The following BARD1 variants were observed in gnomAD, a reference collection of about 807,000 sequenced individuals.
The protein encoded by BARD1 is BRCA1 associated RING domain 1.
In BARD1, 73 loss-of-function variants were observed where a neutral mutation model predicts 77.0. The observed-to-expected ratio is 0.95, with a 90% CI of 0.79 to 1.15. The LOEUF (loss-of-function observed/expected upper bound fraction) is 1.15, where lower values mean the gene tolerates loss of function less well. Among genes scored for constraint, BARD1 ranks in the 50% most tolerant of loss-of-function variants. The pLI is 0.00. For synonymous variants in BARD1, 384 were observed against 338.0 expected (o/e 1.14, Z -1.49); for missense variants, 993 against 938.8 (o/e 1.06, Z -0.75).
chr2:214,806,435 G>A (rs1425976442), intron 1 of BARD1, among the ~76,000 whole-genome samples: 1 of 152,194 alleles, frequency 6.6e-6, no homozygotes, highest in African/African-American at 2.4e-5. Context: ...GGCAATGTCA[G>A]GAGGCTACCA....
In BARD1 at chr2:214,797,214, T is replaced by C. The variant is rs76943679; in HGVS notation, c.159-97A>G. ...CCAAGGCCCAACACTACCATATTTC[T>C]CACTTTCTCAAAGCAGAAGGTATTA... On this transcript the variant is annotated intron_variant, in intron 1 of 10. Coordinates refer to ENST00000260947, the MANE Select transcript of BARD1 (RefSeq NM_000465.4). The C allele has an allele frequency of 1.5e-3, 1,418 of 973,082 alleles. 18 individuals are homozygous for C. The African/African-American group carries it at 0.019, about 13-fold the overall frequency. The allele number at this position is 973,082 out of a possible 1,614,324, so 60.3% of individuals were successfully genotyped here.
chr2:214,795,285 A>G lies in BARD1; in HGVS notation c.215+1776T>C, dbSNP rs949692529. Among the ~76,000 whole-genome samples the G allele has an allele frequency of 6.6e-5, 10 of 152,276 alleles. No individual in the cohort carries two copies. The South Asian group carries it at 1.2e-3, about 19-fold the overall frequency. On this transcript the variant is annotated intron_variant, in intron 2 of 10. Coordinates refer to ENST00000260947, the MANE Select transcript of BARD1 (RefSeq NM_000465.4). Reference sequence around the variant, plus strand: ...CATAAGTACATTTCACGTGGAAGAAATAGCAAGTGCCAAAGTCCTGGGGCG... The same window carrying G: ...CATAAGTACATTTCACGTGGAAGAAGTAGCAAGTGCCAAAGTCCTGGGGCG...
At chr2:214,774,576 A>G (rs1362615418) in intron 4 of BARD1, among the ~76,000 whole-genome samples, 2 of 152,230 alleles carry the variant, frequency 1.3e-5, no homozygotes, top group African/African-American at 4.8e-5. Context: ...CCATGCTGTC[A>G]AGATGTGCTC....
At chr2:214,788,219 T>C (rs1021763426) in intron 3 of BARD1, among the ~76,000 whole-genome samples, 1 of 151,972 alleles carries the variant, frequency 6.6e-6, no homozygotes, top group Admixed American at 6.6e-5. Flanking sequence ...ACCGACATGT[T>C]TCACAGAACC....
intron 4 of BARD1, among the ~76,000 whole-genome samples, chr2:214,777,830 A>T (rs762138708): frequency 1.3e-5 from 2 of 152,252 alleles, no homozygotes; most frequent in Admixed American, 1.3e-4. Flanking sequence ...CAGAATTGCA[A>T]TATGTGTACA....
chr2:214,753,733 T>C (rs774565377), intron 6 of BARD1, among the ~76,000 whole-genome samples: 2 of 152,126 alleles, frequency 1.3e-5, no homozygotes, highest in Non-Finnish European at 2.9e-5. Flanking sequence ...GAAAACTGTT[T>C]TGATGGCAGA....
chr2:214,807,184 T>C (rs1330416804), intron 1 of BARD1, among the ~76,000 whole-genome samples: 1 of 151,930 alleles, frequency 6.6e-6, no homozygotes, highest in Non-Finnish European at 1.5e-5. Flanking sequence ...GTCTAAGAGT[T>C]AAGATTCAGT....
intron 1 of BARD1, among the ~76,000 whole-genome samples, chr2:214,803,648 C>T (rs1696134012): frequency 3.3e-5 from 5 of 152,182 alleles, no homozygotes; most frequent in Admixed American, 3.3e-4. Flanking sequence ...TGACACATCC[C>T]CCTCTCGGAG....
chr2:214,763,811 G>A (rs1258281703), intron 6 of BARD1, among the ~76,000 whole-genome samples: 1 of 152,174 alleles, frequency 6.6e-6, no homozygotes, highest in East Asian at 1.9e-4. Context: ...AAATAGAAGA[G>A]TAGTAAGAAT....
chr2:214,801,358 C>T (rs1250573076), intron 1 of BARD1, among the ~76,000 whole-genome samples: 1 of 152,166 alleles, frequency 6.6e-6, no homozygotes, highest in Non-Finnish European at 1.5e-5. Flanking sequence ...TTGAAGGATA[C>T]ACAAGAAACT....
At chr2:214,803,078 T>G (rs1245963885) in intron 1 of BARD1, among the ~76,000 whole-genome samples, 1 of 152,048 alleles carries the variant, frequency 6.6e-6, no homozygotes, top group African/African-American at 2.4e-5. Flanking sequence ...GTTAAATGGA[T>G]TAAGGGTTGT....
At position 214,763,404 on chromosome 2, in the gene BARD1, A is replaced by G. The variant is rs1694050436; in HGVS notation, c.1568+4078T>C. Among the ~76,000 whole-genome samples the G allele has an allele frequency of 2.0e-5, 3 of 152,232 alleles. No individual in the cohort carries two copies. In the South Asian group the frequency reaches 6.2e-4, roughly 32 times the overall value. ...CAGAAGCAGGCAGACAACTGAGGGG[A>G]TGATGAGGCAAAGGAGCAATGGAGG... On this transcript the variant is annotated intron_variant, in intron 6 of 10. Coordinates refer to ENST00000260947, the MANE Select transcript of BARD1 (RefSeq NM_000465.4).
At chr2:214,783,747 C>T (rs978658070) in intron 3 of BARD1, among the ~76,000 whole-genome samples, 1 of 152,032 alleles carries the variant, frequency 6.6e-6, no homozygotes, top group African/African-American at 2.4e-5. Context: ...TTTGACAAAC[C>T]TAACAAAACA....
intron 9 of BARD1, among the ~76,000 whole-genome samples, chr2:214,736,078 T>C (rs748869): frequency 0.03 from 4,583 of 152,160 alleles, 227 homozygotes; most frequent in African/African-American, 0.1. Flanking sequence ...TAAATGTGCT[T>C]TGAAAATTGT....
intron 6 of BARD1, among the ~76,000 whole-genome samples, chr2:214,761,779 T>C (rs962308149): frequency 3.3e-5 from 5 of 152,228 alleles, no homozygotes; most frequent in African/African-American, 1.2e-4. Context: ...GTATTTAATA[T>C]GGATATTAGT....
chr2:214,769,284 A>G lies in BARD1; in HGVS notation c.1343T>C (p.Leu448Ser), dbSNP rs1694363292. The change falls in exon 5 of 11, where the codon TTA becomes TCA. Residue 448 changes from leucine (L) to serine (S), a missense_variant. Transcript: ENST00000260947. ...AACATTTGGATCACTTCCATTTTGT[A>G]AAAGGTATTCAACAGAAGGTATGTC... Reference protein sequence around the residue: ...KGDIPSVEYLLQNGSDPNVKD... With the variant: ...KGDIPSVEYLSQNGSDPNVKD... 1.2e-6 allele frequency: 2 copies of G among 1,613,626 alleles called. No homozygotes were observed. The highest frequency in any genetic ancestry group is 1.7e-6 in the Non-Finnish European group (2 of 1,179,580).
rs1692158160 is a variant in BARD1, at chr2:214,728,086, T to C, written c.*590A>G. On this transcript the variant is annotated 3_prime_UTR_variant, in exon 11 of 11. Transcript: ENST00000260947. ...TAATGATTAAATCACAATTTCCTGA[T>C]GATATACAAGATAAAAAACAGGGAT... 4.4e-6 allele frequency: 1 copy of C among 227,938 alleles called. No individual in the cohort carries two copies. The highest frequency in any genetic ancestry group is 5.7e-5 in the Admixed American group (1 of 17,630). 14.1% of individuals were successfully genotyped at this position (227,938 alleles called of 1,614,324 possible). A position where few individuals can be genotyped will look rare whatever the true frequency, so the allele number is the denominator to read the frequency against.
chr2:214,774,914 C>T (rs1376618388), intron 4 of BARD1, among the ~76,000 whole-genome samples: 1 of 152,142 alleles, frequency 6.6e-6, no homozygotes, highest in African/African-American at 2.4e-5. Context: ...CATGAACCAA[C>T]CTCTGCTAGC....
At chr2:214,782,618 T>A (rs1311565958) in intron 3 of BARD1, among the ~76,000 whole-genome samples, 1 of 152,114 alleles carries the variant, frequency 6.6e-6, no homozygotes, top group South Asian at 2.1e-4. Flanking sequence ...ATTGTCTCTA[T>A]GTACACAAAG....
Sources: allele counts gnomAD v4.1 joint callset (sites outside exome capture counted in the v4.1 genomes callset), GRCh38; gene constraint gnomAD v4.1.1; transcripts MANE v1.5; gene names NCBI Gene and HGNC (gene_info 2026-07-23, HGNC 2026-07-21).